The following STAT4 variants were observed in gnomAD, a reference collection of about 807,000 sequenced individuals.
STAT4 encodes the protein signal transducer and activator of transcription 4.
A neutral mutation model predicts 110.5 loss-of-function variants in STAT4; 42 were observed. That is an observed-to-expected ratio of 0.38 (90% CI 0.30 to 0.49). The LOEUF (loss-of-function observed/expected upper bound fraction) is 0.49, where lower values mean the gene tolerates loss of function less well. Among genes scored for constraint, STAT4 ranks in the 20% least tolerant of loss-of-function variants. The pLI is 0.95. For missense variants in STAT4, 632 were observed against 887.9 expected, an observed-to-expected ratio of 0.71 and a Z score of 3.66; for synonymous variants, 284 against 302.2, an observed-to-expected ratio of 0.94 and a Z score of 0.63.
Position 191,146,897 on chromosome 2 carries a change from G to T in STAT4, c.129-140C>A. ...TTTTAAAAAATTAAATTGTTAACAT[G>T]AAGAGATGCTCAACATCACTAATCA... On this transcript the variant is annotated intron_variant, in intron 2 of 23. Coordinates refer to ENST00000392320, the MANE Select transcript of STAT4 (RefSeq NM_003151.4). The surrounding 1 kb of genome is among the most constrained non-coding windows in gnomAD (Gnocchi z 4.5). 1 of 770,146 alleles carries T rather than the reference G, an allele frequency of 1.3e-6. No individual in the cohort carries two copies. Among genetic ancestry groups the T allele is most frequent in the Non-Finnish European group, 1.8e-6 (1 of 546,326 alleles). 47.7% of individuals were successfully genotyped at this position (770,146 alleles called of 1,614,324 possible).
chr2:191,135,719 A>G lies in STAT4; in HGVS notation c.273+10894T>C, dbSNP rs1040439138. ...CTGACCTCAGGTGGTCACCTGCCTC[A>G]GCTTCCCAAAGTGCTGGGATTACAG... On this transcript the variant is annotated intron_variant, in intron 3 of 23. Coordinates refer to ENST00000392320, the MANE Select transcript of STAT4 (RefSeq NM_003151.4). The surrounding 1 kb of genome is among the most constrained non-coding windows in gnomAD (Gnocchi z 4.8). 1.3e-5 allele frequency among the ~76,000 whole-genome samples: 2 copies of G among 152,160 alleles called. No individual in the cohort carries two copies. Among genetic ancestry groups the G allele is most frequent in the Non-Finnish European group, 2.9e-5 (2 of 68,024 alleles).
rs73052529 is a variant in STAT4, at chr2:191,113,975, G to A, written c.273+32638C>T. On this transcript the variant is annotated intron_variant, in intron 3 of 23. Coordinates refer to ENST00000392320, the MANE Select transcript of STAT4 (RefSeq NM_003151.4). The surrounding 1 kb of genome is among the most constrained non-coding windows in gnomAD (Gnocchi z 4.8). ...GAGTTTATGGCTGATCAAATCTGAT[G>A]TTTAAAATACATTGTTTCTGAAGAA... Among the ~76,000 whole-genome samples, 4,322 of 152,210 alleles carry A rather than the reference G, an allele frequency of 0.028. 177 individuals carry two copies. Among genetic ancestry groups the A allele is most frequent in the African/African-American group, 0.099 (4,092 of 41,516 alleles).
At position 191,046,989 on chromosome 2, in the gene STAT4, T is replaced by C. The variant is rs1275422594; in HGVS notation, c.1252-5841A>G. 6.6e-6 allele frequency among the ~76,000 whole-genome samples: 1 copy of C among 152,170 alleles called. No individual in the cohort carries two copies. The highest frequency in any genetic ancestry group is 1.5e-5 in the Non-Finnish European group (1 of 68,018). ...TCATGTGATTAGGAGTTGGAACTTC[T>C]ACCCCACTCCCTGACCTCTGGGAAG... is the stretch of plus-strand genomic sequence containing the variant. On this transcript the variant is annotated intron_variant, in intron 14 of 23. Coordinates refer to ENST00000392320, the MANE Select transcript of STAT4 (RefSeq NM_003151.4). The surrounding 1 kb of genome is among the most constrained non-coding windows in gnomAD (Gnocchi z 4.6).
At chr2:191,145,159 GGCTGTATAGGTCAT>G (rs1699429951) in intron 3 of STAT4, among the ~76,000 whole-genome samples, 1 of 151,902 alleles carries the variant, frequency 6.6e-6, no homozygotes, top group Non-Finnish European at 1.5e-5. Context: ...TTTTATTTTA[GGCTGTATAGGTCAT>G]GCTGTCTCTA....
In STAT4 at chr2:191,140,241, T is replaced by C. The variant is rs971010415; in HGVS notation, c.273+6372A>G. Among the ~76,000 whole-genome samples the C allele has an allele frequency of 2.6e-5, 4 of 152,028 alleles. No individual in the cohort carries two copies. Among genetic ancestry groups the C allele is most frequent in the East Asian group, 1.9e-4 (1 of 5,190 alleles). Reference sequence around the variant, plus strand: ...CAAATGCAACAAAAACAAAGATAAATAGATGGGACCTAATTAACTAAAAAG... The same window carrying C: ...CAAATGCAACAAAAACAAAGATAAACAGATGGGACCTAATTAACTAAAAAG... On this transcript the variant is annotated intron_variant, in intron 3 of 23. Transcript: ENST00000392320. The surrounding 1 kb of genome is among the most constrained non-coding windows in gnomAD (Gnocchi z 4.4).
chr2:191,136,014 AAAAAAAAACCAAAAAAC>A (rs1374818403), intron 3 of STAT4, among the ~76,000 whole-genome samples: 1 of 123,366 alleles, frequency 8.1e-6, no homozygotes, highest in African/African-American at 3.0e-5. Flanking sequence ...AGAAAAAAAA[AAAAAAAAACCAAAAAAC>A]AAAAAACCAA....
intron 3 of STAT4, among the ~76,000 whole-genome samples, chr2:191,103,523 A>C (rs1341263601): frequency 2.0e-5 from 3 of 152,212 alleles, no homozygotes. Context: ...GGATATCTTC[A>C]GGGAGCTAAA....
chr2:191,151,337 G>C, upstream of STAT4: 1 of 985,554 alleles, frequency 1.0e-6, no homozygotes, highest in South Asian at 4.7e-5. This position sits in a 1 kb window ranked among gnomAD's most constrained non-coding sequence, Gnocchi z 4.7. Flanking sequence ...TACTTACCTG[G>C]AGCCCAGTTC....
rs770670178 is a variant in STAT4, at chr2:191,116,852, G to C, written c.273+29761C>G. ...AAATTTACTCAAATGTCTCAGAAATGACAAGATGCTTGAGGTGGACAGTAA... is the reference window on the plus strand; with the variant it reads ...AAATTTACTCAAATGTCTCAGAAATCACAAGATGCTTGAGGTGGACAGTAA... On this transcript the variant is annotated intron_variant, in intron 3 of 23. Transcript: ENST00000392320. This position sits in a 1 kb window ranked among gnomAD's most constrained non-coding sequence, Gnocchi z 4.1. Among the ~76,000 whole-genome samples, 1 of 152,122 alleles carries C rather than the reference G, an allele frequency of 6.6e-6. No individual in the cohort carries two copies. The highest frequency in any genetic ancestry group is 6.6e-5 in the Admixed American group (1 of 15,264).
At chr2:191,096,080 AT>A (rs1697970211) in intron 3 of STAT4, among the ~76,000 whole-genome samples, 1 of 152,210 alleles carries the variant, frequency 6.6e-6, no homozygotes, top group African/African-American at 2.4e-5. Flanking sequence ...AAGAAGTTGA[AT>A]CCCTGAATAG....
intron 3 of STAT4, among the ~76,000 whole-genome samples, chr2:191,100,288 T>G (rs1478943678): frequency 6.6e-6 from 1 of 152,140 alleles, no homozygotes; most frequent in Admixed American, 6.6e-5. Flanking sequence ...GTCCAACTAC[T>G]GAGAGAAATG....
At position 191,116,363 on chromosome 2, in the gene STAT4, A is replaced by G. The variant is rs1472024923; in HGVS notation, c.273+30250T>C. Among the ~76,000 whole-genome samples, 4 of 152,222 alleles carry G rather than the reference A, an allele frequency of 2.6e-5. No homozygotes were observed. The highest frequency in any genetic ancestry group is 5.9e-5 in the Non-Finnish European group (4 of 68,038). On this transcript the variant is annotated intron_variant, in intron 3 of 23. Coordinates refer to ENST00000392320, the MANE Select transcript of STAT4 (RefSeq NM_003151.4). The surrounding 1 kb of genome is among the most constrained non-coding windows in gnomAD (Gnocchi z 4.1). ...CTTGTGGCTGTGCAATTACTTTGCAAGCTAAAATTTAGATAAAGAAGAATC... is the reference window on the plus strand; with the variant it reads ...CTTGTGGCTGTGCAATTACTTTGCAGGCTAAAATTTAGATAAAGAAGAATC...
chr2:191,085,359 A>G (rs1030418847), intron 3 of STAT4, among the ~76,000 whole-genome samples: 1 of 151,844 alleles, frequency 6.6e-6, no homozygotes, highest in African/African-American at 2.4e-5. Flanking sequence ...CTTACTTGAT[A>G]TGTTAAAGTC....
intron 3 of STAT4, chr2:191,131,883 T>A: frequency 6.9e-7 from 1 of 1,448,964 alleles, no homozygotes; most frequent in Non-Finnish European, 9.1e-7. Flanking sequence ...GCAGCTGTGC[T>A]GTAGCCAACC....
At position 191,071,237 on chromosome 2, in the gene STAT4, T is replaced by G. The variant is rs569987834; in HGVS notation, c.466-1466A>C. Among the ~76,000 whole-genome samples the G allele has an allele frequency of 4.6e-5, 7 of 152,296 alleles. No homozygotes were observed. The South Asian group carries it at 1.4e-3, about 32-fold the overall frequency. On this transcript the variant is annotated intron_variant, in intron 5 of 23. Coordinates refer to ENST00000392320, the MANE Select transcript of STAT4 (RefSeq NM_003151.4). ...CCCAAAGTCATATAATAATACATAC[T>G]CAAGCTAGAATTCAAATCTAGTCTA...
In STAT4 at chr2:191,101,300, AT is replaced by A. The variant is rs1698144473; in HGVS notation, c.274-24976del. ...CATTTGGTTTATTATCTCTGTGTGC[AT>A]TTTTATAAACACTTATGTACACTTT... On this transcript the variant is annotated intron_variant, in intron 3 of 23. Transcript: ENST00000392320. Among the ~76,000 whole-genome samples the A allele has an allele frequency of 2.6e-5, 4 of 152,276 alleles. No individual in the cohort carries two copies. The South Asian group carries it at 8.3e-4, about 32-fold the overall frequency.
At chr2:191,078,903 T>C (rs12618242) in intron 3 of STAT4, among the ~76,000 whole-genome samples, 1,997 of 152,290 alleles carry the variant, frequency 0.013, 26 homozygotes, top group Non-Finnish European at 0.021. Flanking sequence ...TTTTTCTTTG[T>C]GGTTTTGCAC....
At chr2:191,076,113 C>CA in intron 4 of STAT4, 114 bp downstream of exon 4, 1 of 831,808 alleles carries the variant, frequency 1.2e-6, no homozygotes, top group South Asian at 1.7e-5. Context: ...CTTTGCCTCC[C>CA]AAAGTGTTAG....
rs1699556880 is a variant in STAT4 at position 191,150,120 on chromosome 2, G to A, written c.-2+827C>T. 6.6e-6 allele frequency among the ~76,000 whole-genome samples: 1 copy of A among 151,846 alleles called. No individual in the cohort carries two copies. The highest frequency in any genetic ancestry group is 1.5e-5 in the Non-Finnish European group (1 of 67,998). On this transcript the variant is annotated intron_variant, in intron 1 of 23. Transcript: ENST00000392320. This position sits in a 1 kb window ranked among gnomAD's most constrained non-coding sequence, Gnocchi z 6.4. ...GTATATTCCATAAATATTTACAATT[G>A]TGTGTCAAATGAAAATAAAAGGAAA... is the stretch of plus-strand genomic sequence containing the variant.
Sources: gnomAD v4.1 joint callset for allele counts (sites outside exome capture counted in the v4.1 genomes callset) on GRCh38, gnomAD v4.1.1 for gene constraint, Gnocchi (gnomAD v3.1) non-coding constraint, MANE v1.5 for transcripts, NCBI Gene and HGNC (gene_info 2026-07-23, HGNC 2026-07-21) for gene names.